Variants in CFAP299 observed in about 807,000 individuals in gnomAD.
CFAP299 encodes cilia and flagella associated protein 299, also known as cilia- and flagella-associated protein 299.
Under a neutral mutation model 27.0 loss-of-function variants are expected in CFAP299, and 21 were observed. The ratio of observed to expected loss-of-function variants is 0.78; its 90% CI spans 0.55 to 1.12. The LOEUF (loss-of-function observed/expected upper bound fraction) is 1.12, where lower values mean the gene tolerates loss of function less well. CFAP299 is among the 50% of genes most tolerant of loss of function. The pLI is 0.00. For missense variants in CFAP299, 310 were observed against 276.6 expected, an observed-to-expected ratio of 1.12 and a Z score of -0.86; for synonymous variants, 104 against 98.1, an observed-to-expected ratio of 1.06 and a Z score of -0.36.
intron 2 of CFAP299, among the ~76,000 whole-genome samples, chr4:80,541,091 C>T (rs1029947943): frequency 5.9e-5 from 9 of 151,912 alleles, no homozygotes; most frequent in African/African-American, 2.2e-4. Flanking sequence ...ATATATTTTT[C>T]GTTTTACAAG....
At chr4:80,676,121 A>G (rs376301889) in intron 3 of CFAP299, among the ~76,000 whole-genome samples, 26 of 152,188 alleles carry the variant, frequency 1.7e-4, no homozygotes, top group Admixed American at 3.9e-4. Flanking sequence ...TTCTGCATCA[A>G]TCACACTGGG....
chr4:80,776,276 A>G (rs965775989), intron 3 of CFAP299, among the ~76,000 whole-genome samples: 1 of 152,112 alleles, frequency 6.6e-6, no homozygotes, highest in Non-Finnish European at 1.5e-5. Context: ...CCATTTCACT[A>G]CAGTGTCAGG....
chr4:80,721,734 T>C (rs929891408), intron 3 of CFAP299, among the ~76,000 whole-genome samples: 3 of 152,126 alleles, frequency 2.0e-5, no homozygotes, highest in Non-Finnish European at 2.9e-5. Context: ...AAATACATTT[T>C]ATAGAGAGAA....
At chr4:80,783,065 G>C (rs1727023011) in intron 3 of CFAP299, among the ~76,000 whole-genome samples, 1 of 152,018 alleles carries the variant, frequency 6.6e-6, no homozygotes, top group Non-Finnish European at 1.5e-5. Context: ...CTGTAAGTGA[G>C]AAATTAGGGA....
intron 3 of CFAP299, among the ~76,000 whole-genome samples, chr4:80,799,641 AATATATATTTTATATATTATATTT>A (rs1728185933): frequency 2.8e-5 from 1 of 36,294 alleles, no homozygotes. Context: ...TAATATATAA[AATATATATTTTATATATTATATTT>A]TATAAATATA....
intron 3 of CFAP299, among the ~76,000 whole-genome samples, chr4:80,792,752 CAAA>C (rs1177377702): frequency 6.6e-6 from 1 of 152,062 alleles, no homozygotes; most frequent in Non-Finnish European, 1.5e-5. Context: ...CTTGTGTAGG[CAAA>C]TTTAAATTTT....
At chr4:80,615,295 G>T (rs931752775) in intron 3 of CFAP299, among the ~76,000 whole-genome samples, 3 of 152,044 alleles carry the variant, frequency 2.0e-5, no homozygotes, top group African/African-American at 7.2e-5. Flanking sequence ...GTCAAATATT[G>T]TTCATTGGCT....
intron 3 of CFAP299, among the ~76,000 whole-genome samples, chr4:80,737,143 T>C (rs1208808031): frequency 1.6e-5 from 2 of 127,714 alleles, no homozygotes; most frequent in African/African-American, 2.9e-5. Flanking sequence ...AAGGGGAACA[T>C]CACACTCTGG....
intron 2 of CFAP299, among the ~76,000 whole-genome samples, chr4:80,363,283 A>G (rs1723642531): frequency 6.6e-6 from 1 of 152,216 alleles, no homozygotes; most frequent in Non-Finnish European, 1.5e-5. Context: ...AATTCATTCA[A>G]CTTTTTAATC....
At chr4:80,527,331 A>G (rs1338001405) in intron 2 of CFAP299, among the ~76,000 whole-genome samples, 2 of 152,160 alleles carry the variant, frequency 1.3e-5, no homozygotes, top group Non-Finnish European at 1.5e-5. Flanking sequence ...ATGAAGGCAC[A>G]GGAGAACATT....
intron 2 of CFAP299, among the ~76,000 whole-genome samples, chr4:80,395,334 C>A (rs900275225): frequency 6.6e-6 from 1 of 151,958 alleles, no homozygotes; most frequent in Non-Finnish European, 1.5e-5. Flanking sequence ...ATGTCACCTG[C>A]AAGGAGAGAC....
chr4:80,485,277 A>G (rs1317655661), intron 2 of CFAP299, among the ~76,000 whole-genome samples: 3 of 149,400 alleles, frequency 2.0e-5, no homozygotes, highest in Non-Finnish European at 4.4e-5. Context: ...GAAATTTTAT[A>G]TATATATAAA....
chr4:80,393,299 AAT>A (rs1200627279), intron 2 of CFAP299, among the ~76,000 whole-genome samples: 5 of 152,222 alleles, frequency 3.3e-5, no homozygotes, highest in Non-Finnish European at 7.3e-5. Flanking sequence ...AAGTTTATAA[AAT>A]AAAAAGTTAC....
At chr4:80,754,601 C>T (rs1393872081) in intron 3 of CFAP299, among the ~76,000 whole-genome samples, 2 of 151,868 alleles carry the variant, frequency 1.3e-5, no homozygotes, top group East Asian at 3.9e-4. Flanking sequence ...TAGATCTGCA[C>T]ATTTTTGGAG....
intron 5 of CFAP299, among the ~76,000 whole-genome samples, chr4:80,950,277 T>C (rs568932424): frequency 1.3e-3 from 200 of 148,406 alleles, no homozygotes; most frequent in Non-Finnish European, 2.6e-3. Context: ...TCATTTGATG[T>C]TTCCTTGGCA....
At chr4:80,683,390 C>G (rs1224862428) in intron 3 of CFAP299, among the ~76,000 whole-genome samples, 1 of 152,038 alleles carries the variant, frequency 6.6e-6, no homozygotes, top group East Asian at 1.9e-4. Flanking sequence ...GCATAAGTTC[C>G]TTTTGGTTAT....
At chr4:80,427,119 G>T (rs1001586194) in intron 2 of CFAP299, among the ~76,000 whole-genome samples, 2 of 152,040 alleles carry the variant, frequency 1.3e-5, no homozygotes, top group Non-Finnish European at 2.9e-5. Flanking sequence ...AGAATTTGAG[G>T]AAATGCTATA....
chr4:80,452,858 A>T (rs1341242845), intron 2 of CFAP299, among the ~76,000 whole-genome samples: 2 of 152,194 alleles, frequency 1.3e-5, no homozygotes, highest in African/African-American at 4.8e-5. Flanking sequence ...ACTTAAAACA[A>T]TTCACACTAC....
intron 2 of CFAP299, among the ~76,000 whole-genome samples, chr4:80,541,970 A>AT (rs887582076): frequency 2.0e-5 from 3 of 149,918 alleles, no homozygotes; most frequent in Non-Finnish European, 4.4e-5. Context: ...AAGTATAATA[A>AT]TTAAAAAAAA....
Sources: gnomAD v4.1 joint callset for allele counts (sites outside exome capture counted in the v4.1 genomes callset) on GRCh38, gnomAD v4.1.1 for gene constraint, MANE v1.5 for transcripts, NCBI Gene and HGNC (gene_info 2026-07-23, HGNC 2026-07-21) for gene names.